The following FBN1 variants were observed in gnomAD, a reference collection of about 807,000 sequenced individuals.
FBN1 encodes the protein fibrillin 1.
In FBN1, 29 loss-of-function variants were observed where a neutral mutation model predicts 365.1. The ratio of observed to expected loss-of-function variants is 0.08; its 90% CI spans 0.06 to 0.11. The LOEUF (loss-of-function observed/expected upper bound fraction) is 0.11. Among genes scored for constraint, FBN1 ranks in the 10% least tolerant of loss-of-function variants. FBN1 has a pLI of 1.00. For synonymous variants in FBN1, 1,210 were observed against 1,270.5 expected, an observed-to-expected ratio of 0.95 and a Z score of 1.01; for missense variants, 2,476 against 3,703.2, an observed-to-expected ratio of 0.67 and a Z score of 8.60.
At chr15:48,599,758 T>A (rs1280103145) in intron 5 of FBN1, among the ~76,000 whole-genome samples, 1 of 151,946 alleles carries the variant, frequency 6.6e-6, no homozygotes, top group East Asian at 1.9e-4. Context: ...TGAGGCTGAG[T>A]TTTGAAATAC....
Position 48,424,983 on chromosome 15 carries a change from C to T in FBN1, c.7453+386G>A, listed in dbSNP as rs527434913. 4.6e-5 allele frequency among the ~76,000 whole-genome samples: 7 copies of T among 152,298 alleles called. No homozygotes were observed. The East Asian group carries it at 1.4e-3, about 29-fold the overall frequency. On this transcript the variant is annotated intron_variant, in intron 60 of 65. Coordinates refer to ENST00000316623, the MANE Select transcript of FBN1 (RefSeq NM_000138.5). ...CTCTACGATCATGGCACTGATTATT[C>T]CGAGGCAGGACCTTCCTGGAAACCT...
At chr15:48,456,847 T>C (rs796134221) in intron 43 of FBN1, 85 bp from the exon 44 acceptor site, 77 of 959,402 alleles carry the variant, frequency 8.0e-5, no homozygotes, top group African/African-American at 1.5e-4. Context: ...TGCGTGCGTG[T>C]GTGTGTGTGT....
chr15:48,488,558 C>T (rs975333842), intron 25 of FBN1, 65 bp from the exon 26 acceptor site: 5 of 1,572,378 alleles, frequency 3.2e-6, no homozygotes, highest in African/African-American at 2.7e-5. Context: ...GGTCTCAATG[C>T]CCACCATTTT....
At chr15:48,411,494 A>G in intron 65 of FBN1, 115 bp from the exon 66 acceptor site, 1 of 901,976 alleles carries the variant, frequency 1.1e-6, no homozygotes, top group Non-Finnish European at 1.8e-6. Context: ...CTTATGCTGC[A>G]TACACAATAT....
chr15:48,527,939 A>G lies in FBN1; in HGVS notation c.863-1684T>C, dbSNP rs141946298. Reference sequence around the variant, plus strand: ...GACAGAGCCTAGGGTTACCCACGTAATATCTCAAGGCAGCCACACTTCTAC... The same window carrying G: ...GACAGAGCCTAGGGTTACCCACGTAGTATCTCAAGGCAGCCACACTTCTAC... On this transcript the variant is annotated intron_variant, in intron 8 of 65. Transcript: ENST00000316623. Among the ~76,000 whole-genome samples, 909 of 152,392 alleles carry G rather than the reference A, an allele frequency of 6.0e-3. 6 individuals are homozygous for G. Among genetic ancestry groups the G allele is most frequent in the Middle Eastern group, 0.01 (3 of 294 alleles).
intron 32 of FBN1, among the ~76,000 whole-genome samples, chr15:48,477,516 A>C (rs1380888131): frequency 6.6e-6 from 1 of 152,200 alleles, no homozygotes; most frequent in East Asian, 1.9e-4. Context: ...AGGTTTTTGC[A>C]TGTGGGTGTG....
At position 48,409,184 on chromosome 15, in the gene FBN1, A is replaced by G. The variant is rs2042841376; in HGVS notation, c.*1806T>C. On this transcript the variant is annotated 3_prime_UTR_variant, in exon 66 of 66. Coordinates refer to ENST00000316623, the MANE Select transcript of FBN1 (RefSeq NM_000138.5). The stretch of plus-strand genomic sequence containing the variant: ...GTCCAATGGTTGCCATTAAGCCTAG[A>G]CTGAAACTCTTCTATCTTGTGACAG... 6.6e-6 allele frequency: 1 copy of G among 152,212 alleles called. No homozygotes were observed. Among genetic ancestry groups the G allele is most frequent in the South Asian group, 2.1e-4 (1 of 4,826 alleles). 9.4% of individuals were successfully genotyped at this position (152,212 alleles called of 1,614,324 possible). A position where few individuals can be genotyped will look rare whatever the true frequency, so the allele number is the denominator to read the frequency against.
chr15:48,531,105 C>CTG (rs57675228), intron 8 of FBN1, among the ~76,000 whole-genome samples: 53,107 of 151,932 alleles, frequency 0.35, 10,976 homozygotes, highest in African/African-American at 0.59. Context: ...GGCATGAACT[C>CTG]TTTCCTTTTT....
chr15:48,412,471 G>T, intron 65 of FBN1, 98 bp downstream of exon 65: 1 of 1,286,416 alleles, frequency 7.8e-7, no homozygotes. Context: ...TCCCTGGGGA[G>T]CTTTTTCACA....
Position 48,487,219 on chromosome 15 carries a change from G to C in FBN1, c.3464-19C>G, listed in dbSNP as rs928322808. 8.1e-6 allele frequency: 13 copies of C among 1,613,962 alleles called. No homozygotes were observed. The highest frequency in any genetic ancestry group is 1.0e-5 in the Non-Finnish European group (12 of 1,180,010). The stretch of plus-strand genomic sequence containing the variant: ...TTGATGTCTGTCGGGAAAATAAGAA[G>C]AACAAACACCCAAACATAAGCTTCC... On this transcript the variant is annotated intron_variant, in intron 28 of 65. Coordinates refer to ENST00000316623, the MANE Select transcript of FBN1 (RefSeq NM_000138.5).
At chr15:48,447,267 A>G (rs1326723515) in intron 46 of FBN1, among the ~76,000 whole-genome samples, 1 of 152,114 alleles carries the variant, frequency 6.6e-6, no homozygotes, top group Non-Finnish European at 1.5e-5. Context: ...GCATTACCCC[A>G]CAATCAGCAA....
At chr15:48,475,280 G>A (rs2141280855) in intron 32 of FBN1, among the ~76,000 whole-genome samples, 1 of 152,248 alleles carries the variant, frequency 6.6e-6, no homozygotes, top group East Asian at 1.9e-4. Flanking sequence ...ACATTGGAGA[G>A]CCAAGCCTTC....
chr15:48,578,443 C>T (rs370500482), intron 6 of FBN1, among the ~76,000 whole-genome samples: 14 of 152,264 alleles, frequency 9.2e-5, no homozygotes, highest in African/African-American at 3.4e-4. Context: ...TAGGCGTGTG[C>T]TCTCCAAAGC....
chr15:48,645,423 GA>G (rs963186949), intron 1 of FBN1, among the ~76,000 whole-genome samples, 151 bp downstream of exon 1: 1 of 152,248 alleles, frequency 6.6e-6, no homozygotes, highest in Admixed American at 6.5e-5. Context: ...TCAGGCAGGG[GA>G]GGGCCAGCGC....
intron 48 of FBN1, 79 bp downstream of exon 48, chr15:48,445,297 C>A: frequency 2.0e-6 from 3 of 1,498,784 alleles, no homozygotes; most frequent in South Asian, 1.1e-5. Context: ...CAGAAAGAAG[C>A]ATTAGAACAG....
chr15:48,474,728 G>A (rs2043406354), intron 32 of FBN1, 78 bp from the exon 33 acceptor site: 1 of 1,595,222 alleles, frequency 6.3e-7, no homozygotes. Context: ...ATATTCAAAA[G>A]TTGACTTGCC....
chr15:48,578,585 C>A (rs1217461149), intron 6 of FBN1, among the ~76,000 whole-genome samples: 1 of 151,990 alleles, frequency 6.6e-6, no homozygotes, highest in Non-Finnish European at 1.5e-5. Context: ...TGAGGAATCG[C>A]CACATTGACT....
intron 2 of FBN1, among the ~76,000 whole-genome samples, chr15:48,632,424 T>G (rs918620373): frequency 3.9e-5 from 6 of 152,204 alleles, no homozygotes; most frequent in African/African-American, 1.4e-4. Context: ...ACTAAGAACT[T>G]GAAATGTACC....
intron 9 of FBN1, among the ~76,000 whole-genome samples, chr15:48,522,927 A>C (rs557894378): frequency 6.6e-6 from 1 of 152,294 alleles, no homozygotes; most frequent in African/African-American, 2.4e-5. Flanking sequence ...AGGCAGAACA[A>C]GTTTTATTCC....
Sources: gnomAD v4.1 joint callset for allele counts (sites outside exome capture counted in the v4.1 genomes callset) on GRCh38, gnomAD v4.1.1 for gene constraint, MANE v1.5 for transcripts, NCBI Gene and HGNC (gene_info 2026-07-23, HGNC 2026-07-21) for gene names.